The following ATP13A5 variants were observed in gnomAD, a reference collection of about 807,000 sequenced individuals.
The protein encoded by ATP13A5 is probable cation-transporting ATPase 13A5.
Under a neutral mutation model 150.2 loss-of-function variants are expected in ATP13A5, and 149 were observed. The observed-to-expected ratio is 0.99, with a 90% CI of 0.87 to 1.14. The LOEUF (loss-of-function observed/expected upper bound fraction) is 1.14. Ranked by LOEUF, ATP13A5 falls within the 50% of genes most tolerant of loss-of-function variation. The probability of loss-of-function intolerance (pLI) is 0.00; values close to 1 mark genes in which losing one functional copy is unlikely to be tolerated. For missense variants in ATP13A5, 1,383 were observed against 1,449.3 expected (o/e 0.95, Z 0.74); for synonymous variants, 497 against 522.2 (o/e 0.95, Z 0.66).
At chr3:193,355,888 T>G (rs1435071913) in intron 5 of ATP13A5, among the ~76,000 whole-genome samples, 1 of 152,188 alleles carries the variant, frequency 6.6e-6, no homozygotes, top group Non-Finnish European at 1.5e-5. Flanking sequence ...TTCTTCAGTT[T>G]GTAAATGCCT....
At chr3:193,348,411 G>A (rs562498767) in intron 7 of ATP13A5, among the ~76,000 whole-genome samples, 1 of 152,144 alleles carries the variant, frequency 6.6e-6, no homozygotes, top group Admixed American at 6.5e-5. Context: ...TGAAGGCAAA[G>A]CACTGTGGGC....
intron 25 of ATP13A5, among the ~76,000 whole-genome samples, chr3:193,293,066 A>G (rs1317685334): frequency 1.3e-5 from 2 of 152,160 alleles, no homozygotes; most frequent in Non-Finnish European, 2.9e-5. Context: ...TGAGGCTCAG[A>G]AAAGTAGTTT....
intron 7 of ATP13A5, among the ~76,000 whole-genome samples, chr3:193,345,661 GTA>G (rs374956694): frequency 4.6e-5 from 7 of 152,282 alleles, no homozygotes; most frequent in African/African-American, 1.7e-4. Context: ...CAAGACTCAG[GTA>G]TTGTAACAGA....
In ATP13A5 at chr3:193,282,730, G is replaced by A. The variant is rs977388824; in HGVS notation, c.3226+2184C>T. Among the ~76,000 whole-genome samples the A allele has an allele frequency of 2.0e-5, 3 of 152,254 alleles. No homozygotes were observed. The East Asian group carries it at 5.8e-4, about 29-fold the overall frequency. ...CAGGATTTGTAATGGAGAAAACAACGAATATTTGCTAAGAGACCTTAACAA... is the reference window on the plus strand; with the variant it reads ...CAGGATTTGTAATGGAGAAAACAACAAATATTTGCTAAGAGACCTTAACAA... On this transcript the variant is annotated intron_variant, in intron 27 of 29. Coordinates refer to ENST00000342358, the MANE Select transcript of ATP13A5 (RefSeq NM_198505.4).
At chr3:193,320,647 C>T (rs1719231409) in intron 16 of ATP13A5, among the ~76,000 whole-genome samples, 1 of 52,338 alleles carries the variant, frequency 1.9e-5, no homozygotes, top group Admixed American at 1.9e-4. Context: ...TAAAAAAAGA[C>T]TCCCAATAGA....
At chr3:193,303,707 C>T (rs1718497525) in intron 23 of ATP13A5, among the ~76,000 whole-genome samples, 1 of 151,878 alleles carries the variant, frequency 6.6e-6, no homozygotes, top group Non-Finnish European at 1.5e-5. Flanking sequence ...CCTCAGCAAA[C>T]CAGCTCTCCT....
chr3:193,282,779 A>G (rs565613748), intron 27 of ATP13A5, among the ~76,000 whole-genome samples: 1 of 152,372 alleles, frequency 6.6e-6, no homozygotes, highest in East Asian at 1.9e-4. Flanking sequence ...ATGGGGAGAC[A>G]TGACATGTTC....
chr3:193,295,379 G>A (rs1718125874), intron 25 of ATP13A5, among the ~76,000 whole-genome samples: 1 of 151,980 alleles, frequency 6.6e-6, no homozygotes, highest in Non-Finnish European at 1.5e-5. Context: ...TCCATGCCTA[G>A]TATCTTTCTC....
At chr3:193,335,684 A>G (rs769247171) in intron 9 of ATP13A5, among the ~76,000 whole-genome samples, 2 of 152,152 alleles carry the variant, frequency 1.3e-5, no homozygotes, top group African/African-American at 4.8e-5. Flanking sequence ...CATTTTTATC[A>G]TCTCATTCTT....
At chr3:193,375,767 A>G (rs1005282335) in intron 1 of ATP13A5, among the ~76,000 whole-genome samples, 1 of 152,176 alleles carries the variant, frequency 6.6e-6, no homozygotes, top group African/African-American at 2.4e-5. Context: ...AACAGGGTTC[A>G]GCTCTAGAGG....
At chr3:193,279,761 G>A (rs1268187631) in intron 27 of ATP13A5, among the ~76,000 whole-genome samples, 1 of 152,004 alleles carries the variant, frequency 6.6e-6, no homozygotes, top group Non-Finnish European at 1.5e-5. Flanking sequence ...GGGATAAACA[G>A]TCAGTGTTCT....
intron 23 of ATP13A5, among the ~76,000 whole-genome samples, chr3:193,303,455 GTGTA>G (rs1339235556): frequency 6.6e-5 from 10 of 152,060 alleles, no homozygotes; most frequent in African/African-American, 2.4e-4. Context: ...AATTTTGTGT[GTGTA>G]TGTGTGTGTA....
Position 193,307,434 on chromosome 3 carries a change from C to T in ATP13A5, c.2526-65G>A, listed in dbSNP as rs1339008529. On this transcript the variant is annotated intron_variant, in intron 21 of 29. Transcript: ENST00000342358. ...AATGAACAGCTCACTTGAATATTTT[C>T]CATCATAACTAAGTCACATGTGATT... The T allele has an allele frequency of 3.2e-6, 5 of 1,569,716 alleles. No homozygotes were observed. In the African/African-American group the frequency reaches 5.4e-5, roughly 17 times the overall value.
chr3:193,321,492 G>A (rs1489277801), intron 16 of ATP13A5, among the ~76,000 whole-genome samples, 189 bp downstream of exon 16: 1 of 152,146 alleles, frequency 6.6e-6, no homozygotes, highest in Non-Finnish European at 1.5e-5. Context: ...TTAGCCGGGT[G>A]TGGTGGCATG....
chr3:193,331,459 G>C, intron 11 of ATP13A5, 148 bp from the exon 12 acceptor site: 1 of 688,330 alleles, frequency 1.5e-6, no homozygotes, highest in South Asian at 2.9e-5. Context: ...CCCCTTTCCT[G>C]GTTCTGTTTC....
intron 6 of ATP13A5, among the ~76,000 whole-genome samples, chr3:193,351,459 C>T (rs1712561471): frequency 6.6e-6 from 1 of 152,088 alleles, no homozygotes; most frequent in East Asian, 1.9e-4. Flanking sequence ...TTTTGAATTT[C>T]AAAAATATTT....
chr3:193,318,748 G>A (rs1719146933), intron 17 of ATP13A5, among the ~76,000 whole-genome samples: 1 of 152,110 alleles, frequency 6.6e-6, no homozygotes, highest in Non-Finnish European at 1.5e-5. Flanking sequence ...TAACACACTG[G>A]TATCTTGGAG....
chr3:193,316,474 C>T (rs1719056518), intron 17 of ATP13A5, among the ~76,000 whole-genome samples: 1 of 152,030 alleles, frequency 6.6e-6, no homozygotes, highest in Admixed American at 6.6e-5. Context: ...TCTCTATATC[C>T]TTGTCAACTT....
In ATP13A5 at chr3:193,345,983, C is replaced by T. The variant is rs548162032; in HGVS notation, c.742-908G>A. ...TCTGATTGCATGTGGGACAGCCATCCTCTCCTTTATGAACTGTGGATTTTC... is the reference window on the plus strand; with the variant it reads ...TCTGATTGCATGTGGGACAGCCATCTTCTCCTTTATGAACTGTGGATTTTC... On this transcript the variant is annotated intron_variant, in intron 7 of 29. Transcript: ENST00000342358. Among the ~76,000 whole-genome samples the T allele has an allele frequency of 8.5e-5, 13 of 152,100 alleles. No homozygotes were observed. In the South Asian group the frequency reaches 1.9e-3, roughly 22 times the overall value.
Sources: gnomAD v4.1 joint callset for allele counts (sites outside exome capture counted in the v4.1 genomes callset) on GRCh38, gnomAD v4.1.1 for gene constraint, MANE v1.5 for transcripts, NCBI Gene and HGNC (gene_info 2026-07-23, HGNC 2026-07-21) for gene names.